CADM1: variants seen among roughly 807,000 people sequenced by gnomAD.
The protein encoded by CADM1 is TSLC-1.
Under a neutral mutation model 53.1 loss-of-function variants are expected in CADM1, and 15 were observed. That is an observed-to-expected ratio of 0.28 (90% confidence interval 0.19 to 0.44). CADM1 has a LOEUF of 0.44. CADM1 is among the 20% of genes least tolerant of loss of function. The pLI, the probability that CADM1 is intolerant of heterozygous loss-of-function variation, is 1.00. For synonymous variants in CADM1, 281 were observed against 243.0 expected (o/e 1.16, Z -1.45); for missense variants, 434 against 611.3 (o/e 0.71, Z 3.06).
chr11:115,477,276 A>G (rs566954280), intron 1 of CADM1, among the ~76,000 whole-genome samples: 4 of 147,266 alleles, frequency 2.7e-5, no homozygotes, highest in East Asian at 1.9e-4. Flanking sequence ...TGGATCATGG[A>G]AAAAAAAATT....
intron 1 of CADM1, among the ~76,000 whole-genome samples, chr11:115,305,771 A>T (rs1944348538): frequency 6.6e-6 from 1 of 151,740 alleles, no homozygotes. Context: ...AAAATACTTT[A>T]TTAGTGACTC....
chr11:115,343,351 A>G (rs970436010), intron 1 of CADM1, among the ~76,000 whole-genome samples: 2 of 152,176 alleles, frequency 1.3e-5, no homozygotes, highest in African/African-American at 4.8e-5. Flanking sequence ...TTTAACCTTC[A>G]CAGTAACCCA....
intron 3 of CADM1, among the ~76,000 whole-genome samples, chr11:115,231,701 G>C (rs1941820162): frequency 1.3e-5 from 2 of 152,122 alleles, no homozygotes; most frequent in Admixed American, 6.5e-5. Context: ...AAAATAACCA[G>C]TGTGGCTGGG....
At chr11:115,319,116 C>T (rs916018762) in intron 1 of CADM1, among the ~76,000 whole-genome samples, 2 of 152,252 alleles carry the variant, frequency 1.3e-5, no homozygotes, top group Middle Eastern at 3.4e-3. Flanking sequence ...CTAGTTGCCT[C>T]ACAAACATCC....
intron 1 of CADM1, among the ~76,000 whole-genome samples, chr11:115,324,120 G>A (rs1944897090): frequency 6.6e-6 from 1 of 152,072 alleles, no homozygotes; most frequent in Non-Finnish European, 1.5e-5. Context: ...ACTCACTCTT[G>A]TTTCAAACAA....
intron 1 of CADM1, among the ~76,000 whole-genome samples, chr11:115,488,551 G>GTTATTCTCTATA (rs1949427198): frequency 6.6e-6 from 1 of 152,168 alleles, no homozygotes; most frequent in Non-Finnish European, 1.5e-5. Context: ...GGTTAGAGTG[G>GTTATTCTCTATA]TTCCACCTCT....
At chr11:115,258,583 G>A (rs549281286) in intron 1 of CADM1, among the ~76,000 whole-genome samples, 4 of 152,302 alleles carry the variant, frequency 2.6e-5, no homozygotes, top group East Asian at 3.9e-4. Flanking sequence ...CTATAGCTTA[G>A]AGCCAGGCCC....
intron 1 of CADM1, among the ~76,000 whole-genome samples, chr11:115,384,077 C>T (rs1946641857): frequency 6.6e-6 from 1 of 152,132 alleles, no homozygotes; most frequent in Admixed American, 6.5e-5. Flanking sequence ...TCTACCTTGA[C>T]TTTTGAATGT....
intron 1 of CADM1, among the ~76,000 whole-genome samples, chr11:115,487,188 A>C (rs1215582834): frequency 6.6e-6 from 1 of 152,218 alleles, no homozygotes; most frequent in Non-Finnish European, 1.5e-5. Flanking sequence ...ACTTTTTTCA[A>C]AGAGAATCTT....
intron 1 of CADM1, among the ~76,000 whole-genome samples, chr11:115,357,446 A>G (rs1945906517): frequency 6.6e-6 from 1 of 152,158 alleles, no homozygotes; most frequent in Admixed American, 6.6e-5. Flanking sequence ...TTTCCCTGTC[A>G]CAGCTTTAAA....
At chr11:115,360,899 A>G (rs1408977769) in intron 1 of CADM1, among the ~76,000 whole-genome samples, 1 of 152,258 alleles carries the variant, frequency 6.6e-6, no homozygotes. Context: ...TTAACTGAAC[A>G]CTAGGATAAA....
Position 115,229,336 on chromosome 11 carries a change from T to C in CADM1, c.563-65A>G, listed in dbSNP as rs572972203. 3.4e-6 allele frequency: 5 copies of C among 1,472,270 alleles called. No individual in the cohort carries two copies. The South Asian group carries it at 4.6e-5, about 13-fold the overall frequency. 91.2% of individuals were successfully genotyped at this position (1,472,270 alleles called of 1,614,324 possible). A position where few individuals can be genotyped will look rare whatever the true frequency, so the allele number is the denominator to read the frequency against. On this transcript the variant is annotated intron_variant, in intron 4 of 11. Coordinates refer to ENST00000331581, the MANE Select transcript of CADM1 (RefSeq NM_001301043.2). ...GAATTTCCATCAGTTTGTTTTTATGTCCTCCCCTCTGTCCTCTAACCCCAA... is the reference window on the plus strand; with the variant it reads ...GAATTTCCATCAGTTTGTTTTTATGCCCTCCCCTCTGTCCTCTAACCCCAA...
chr11:115,237,784 G>T (rs1354862069), intron 3 of CADM1, among the ~76,000 whole-genome samples: 1 of 152,140 alleles, frequency 6.6e-6, no homozygotes, highest in Non-Finnish European at 1.5e-5. Flanking sequence ...AATATCTGCT[G>T]ACTATATTAA....
intron 1 of CADM1, among the ~76,000 whole-genome samples, chr11:115,337,057 T>C (rs144775046): frequency 2.0e-5 from 3 of 152,182 alleles, no homozygotes; most frequent in African/African-American, 7.2e-5. Context: ...AATTAATTAA[T>C]TAATGTTTCC....
chr11:115,369,054 A>AAAAAAAAAAAAAG (rs869051427), intron 1 of CADM1, among the ~76,000 whole-genome samples: 1 of 145,386 alleles, frequency 6.9e-6, no homozygotes, highest in Admixed American at 6.9e-5. Flanking sequence ...AAAAAAAAAA[A>AAAAAAAAAAAAAG]TTAGGTAAGC....
chr11:115,211,307 C>T (rs544211573), intron 7 of CADM1, among the ~76,000 whole-genome samples: 19 of 152,048 alleles, frequency 1.2e-4, no homozygotes, highest in South Asian at 4.2e-4. Context: ...GCACTAAAGA[C>T]GTCCCGCTCC....
intron 1 of CADM1, among the ~76,000 whole-genome samples, chr11:115,257,328 A>G (rs1942823451): frequency 1.3e-5 from 2 of 152,218 alleles, no homozygotes; most frequent in South Asian, 4.1e-4. Flanking sequence ...CTGTGAGTGT[A>G]ACTGCAGAAG....
intron 1 of CADM1, among the ~76,000 whole-genome samples, chr11:115,497,323 T>C (rs1259972019): frequency 2.0e-5 from 3 of 152,058 alleles, no homozygotes; most frequent in Non-Finnish European, 4.4e-5. Flanking sequence ...AAAGAAAAAA[T>C]TTCTCCCACC....
chr11:115,417,850 G>C (rs1300711066), intron 1 of CADM1, among the ~76,000 whole-genome samples: 2 of 152,196 alleles, frequency 1.3e-5, no homozygotes, highest in Non-Finnish European at 2.9e-5. Flanking sequence ...GGGGGCTACT[G>C]CAGATCATGC....
Sources: gnomAD v4.1 joint callset for allele counts (sites outside exome capture counted in the v4.1 genomes callset) on GRCh38, gnomAD v4.1.1 for gene constraint, MANE v1.5 for transcripts, NCBI Gene and HGNC (gene_info 2026-07-23, HGNC 2026-07-21) for gene names.